The following ANKK1 variants were observed in gnomAD, a reference collection of about 807,000 sequenced individuals.
ANKK1 encodes ankyrin repeat and protein kinase domain-containing protein 1.
A neutral mutation model predicts 37.6 loss-of-function variants in ANKK1; 37 were observed. The observed-to-expected ratio is 0.98, with a 90% CI of 0.76 to 1.29. The LOEUF (loss-of-function observed/expected upper bound fraction) is 1.29, where lower values mean the gene tolerates loss of function less well. Among genes scored for constraint, ANKK1 ranks in the 50% most tolerant of loss-of-function variants. The pLI is 0.00. For missense variants in ANKK1, 1,019 were observed against 990.6 expected (o/e 1.03, Z -0.39); for synonymous variants, 415 against 418.7 (o/e 0.99, Z 0.11).
chr11:113,397,956 T>C, intron 6 of ANKK1, 24 bp from the exon 7 acceptor site: 1 of 1,555,528 alleles, frequency 6.4e-7, no homozygotes, highest in Middle Eastern at 1.7e-4. Context: ...ATCTCCACCC[T>C]GCCTGCTGGT....
rs1383089886 is a variant in ANKK1, at chr11:113,399,826, G to C, written c.1857G>C (p.Met619Ile). 1 of 1,608,000 alleles carries C rather than the reference G, an allele frequency of 6.2e-7. No homozygotes were observed. The change falls in exon 8 of 8, where the codon ATG becomes ATC. Residue 619 changes from methionine to isoleucine, a missense_variant. Physicochemically the swap from Met to Ile is conservative, Grantham distance 10. Coordinates refer to ENST00000303941, the MANE Select transcript of ANKK1 (RefSeq NM_178510.2). ...IHLLAESHAN[M>I]GALGAVNWTP... is the part of the protein sequence containing the mutation. ...TGCTGGCAGAGAGCCACGCAAACAT[G>C]GGTGCTCTTGGAGCTGTGAACTGGA...
In ANKK1 at chr11:113,398,033, C is replaced by T. The variant is rs762467513; in HGVS notation, c.994+17C>T. 39 of 1,563,592 alleles carry T rather than the reference C, an allele frequency of 2.5e-5. No individual in the cohort carries two copies. Among genetic ancestry groups the T allele is most frequent in the South Asian group, 5.9e-5 (5 of 84,644 alleles). ...TGGACAGTGGTGAGTCTGGGTGCCA[C>T]GGGCGGGACCAGAGAACTCACAGCA... On this transcript the variant is annotated intron_variant, in intron 7 of 7. Coordinates refer to ENST00000303941, the MANE Select transcript of ANKK1 (RefSeq NM_178510.2).
In ANKK1 at chr11:113,398,076, C is replaced by T; in HGVS notation, c.994+60C>T. 3 of 1,538,388 alleles carry T rather than the reference C, an allele frequency of 2.0e-6. No individual in the cohort carries two copies. In the South Asian group the frequency reaches 3.6e-5, roughly 18 times the overall value. Reference sequence around the variant, plus strand: ...TCACAGCAGAGAAAATGGAGTCAAACCACACCCTTTCCCCATCCCCCTGGC... The same window carrying T: ...TCACAGCAGAGAAAATGGAGTCAAATCACACCCTTTCCCCATCCCCCTGGC... On this transcript the variant is annotated intron_variant, in intron 7 of 7. Coordinates refer to ENST00000303941, the MANE Select transcript of ANKK1 (RefSeq NM_178510.2).
chr11:113,396,320 T>G, intron 5 of ANKK1, 98 bp downstream of exon 5: 6 of 1,472,944 alleles, frequency 4.1e-6, no homozygotes, highest in Non-Finnish European at 5.5e-6. Context: ...AGAGACACTT[T>G]TGGTACTACG....
chr11:113,391,815 C>T (rs969368171), intron 1 of ANKK1, among the ~76,000 whole-genome samples: 2 of 151,888 alleles, frequency 1.3e-5, no homozygotes, highest in African/African-American at 4.8e-5. Flanking sequence ...GGACTAAGCC[C>T]CGTGGTCAAG....
chr11:113,388,257 A>C (rs1345479461), intron 1 of ANKK1, among the ~76,000 whole-genome samples, 188 bp downstream of exon 1: 1 of 152,100 alleles, frequency 6.6e-6, no homozygotes, highest in Non-Finnish European at 1.5e-5. Flanking sequence ...CCTAACCAAA[A>C]TAGAGTTGGC....
At chr11:113,388,163 G>C in intron 1 of ANKK1, 94 bp downstream of exon 1, 1 of 1,399,994 alleles carries the variant, frequency 7.1e-7, no homozygotes, top group Non-Finnish European at 9.3e-7. Context: ...AGTGGGCTGA[G>C]TTTGGGGCTG....
intron 7 of ANKK1, 66 bp from the exon 8 acceptor site, chr11:113,398,898 G>T: frequency 1.4e-6 from 2 of 1,409,090 alleles, no homozygotes; most frequent in Non-Finnish European, 1.9e-6. Context: ...GAGGCAGGGG[G>T]ATGGCCATGA....
rs1210470782 is a variant in ANKK1, at chr11:113,395,463, T to C, written c.682+55T>C. The stretch of plus-strand genomic sequence containing the variant: ...GGGCAGGAGGACCCCTGGGATGGGC[T>C]CCTGGAAGGGGCTGTGGGAGGACTG... On this transcript the variant is annotated intron_variant, in intron 4 of 7. Coordinates refer to ENST00000303941, the MANE Select transcript of ANKK1 (RefSeq NM_178510.2). 15 of 1,580,678 alleles carry C rather than the reference T, an allele frequency of 9.5e-6. No homozygotes were observed. In the Middle Eastern group the frequency reaches 6.6e-4, roughly 70 times the overall value.
In ANKK1 at chr11:113,399,997, C is replaced by G; in HGVS notation, c.2028C>G (p.Ile676Met). The change falls in exon 8 of 8, where the codon ATC becomes ATG. Residue 676 changes from isoleucine to methionine, a missense_variant. Physicochemically the swap from Ile to Met is conservative, Grantham distance 10. Coordinates refer to ENST00000303941, the MANE Select transcript of ANKK1 (RefSeq NM_178510.2). ...AVQRSTFLSV[I>M]NLLEHHANVH... The stretch of plus-strand genomic sequence containing the variant: ...AGAGGAGCACCTTCCTGAGTGTCAT[C>G]AACCTCCTAGAACATCACGCAAATG... 6.2e-7 allele frequency: 1 copy of G among 1,613,528 alleles called. No homozygotes were observed. The highest frequency in any genetic ancestry group is 8.5e-7 in the Non-Finnish European group (1 of 1,179,834).
In ANKK1 at chr11:113,399,027, A is replaced by T; in HGVS notation, c.1058A>T (p.Asp353Val). 1 of 1,602,260 alleles carries T rather than the reference A, an allele frequency of 6.2e-7. No individual in the cohort carries two copies. The highest frequency in any genetic ancestry group is 8.5e-7 in the Non-Finnish European group (1 of 1,174,470). ...GACCGTAAGAATTTGGTCCCGAGAG[A>T]TGAGGAACTGTGTATCTATGAGAAC... Reference protein sequence around the residue: ...LSDRKNLVPRDEELCIYENKV... With the variant: ...LSDRKNLVPRVEELCIYENKV... The change falls in exon 8 of 8, where the codon GAT becomes GTT. Residue 353 changes from aspartate to valine, a missense_variant. Asp to Val is a radical substitution (Grantham distance 152, BLOSUM62 -3). Coordinates refer to ENST00000303941, the MANE Select transcript of ANKK1 (RefSeq NM_178510.2).
Position 113,398,984 on chromosome 11 carries a change from C to G in ANKK1, c.1015C>G (p.Arg339Gly). ...AGCAGACTCAGGAAACTACCTGAAGCGGGCCCTTCAGCTCTCCGACCGTAA... is the reference window on the plus strand; with the variant it reads ...AGCAGACTCAGGAAACTACCTGAAGGGGGCCCTTCAGCTCTCCGACCGTAA... ...MDSDSGNYLK[R>G]ALQLSDRKNL... is the part of the protein sequence containing the mutation. Residue 339 changes from arginine (R) to glycine (G), a missense_variant, in exon 8 of 8, where the codon CGG (arginine) becomes GGG (glycine). Physicochemically the swap from Arg to Gly is moderately radical, Grantham distance 125. Coordinates refer to ENST00000303941, the MANE Select transcript of ANKK1 (RefSeq NM_178510.2). 6.3e-7 allele frequency: 1 copy of G among 1,582,926 alleles called. No homozygotes were observed.
At chr11:113,390,782 T>A (rs150874504) in intron 1 of ANKK1, among the ~76,000 whole-genome samples, 1 of 149,684 alleles carries the variant, frequency 6.7e-6, no homozygotes, top group Non-Finnish European at 1.5e-5. Context: ...AGGAGATGCA[T>A]TCATTCCAAG....
In ANKK1 at chr11:113,400,114, C is replaced by T. The variant is rs367992103; in HGVS notation, c.2145C>T (p.Gly715=). ...TAILKVLVEA[G]AQLDVQDGVS... ...TCCTCAAAGTGCTGGTCGAGGCAGGCGCCCAGCTGGACGTCCAGGATGGAG... is the reference window on the plus strand; with the variant it reads ...TCCTCAAAGTGCTGGTCGAGGCAGGTGCCCAGCTGGACGTCCAGGATGGAG... Residue 715 remains glycine (G), a synonymous_variant, in exon 8 of 8, where the codon GGC becomes GGT. Transcript: ENST00000303941. The T allele has an allele frequency of 5.0e-5, 81 of 1,612,314 alleles. No individual in the cohort carries two copies. The highest frequency in any genetic ancestry group is 6.3e-5 in the Non-Finnish European group (74 of 1,179,436).
rs768361670 is a variant in ANKK1 at position 113,388,092 on chromosome 11, C to T, written c.185+23C>T. ...CAGGTACTGCCAGCCTCGCCCTCCC[C>T]TTTCTCGGAGGAGAAACTGAGGCCC... On this transcript the variant is annotated intron_variant, in intron 1 of 7. Coordinates refer to ENST00000303941, the MANE Select transcript of ANKK1 (RefSeq NM_178510.2). The T allele has an allele frequency of 5.5e-6, 8 of 1,451,596 alleles. No homozygotes were observed. In the African/African-American group the frequency reaches 8.7e-5, roughly 16 times the overall value. 89.9% of individuals were successfully genotyped at this position (1,451,596 alleles called of 1,614,324 possible).
rs1591255759 is a variant in ANKK1, at chr11:113,387,786, T to C, written c.-99T>C. On this transcript the variant is annotated 5_prime_UTR_variant, in exon 1 of 8. Coordinates refer to ENST00000303941, the MANE Select transcript of ANKK1 (RefSeq NM_178510.2). ...GGGCCGGCTCGTCTCCCCATTCCCC[T>C]CTCCCGGACCCGAGGAGCAGGAAGC... 2 of 1,354,738 alleles carry C rather than the reference T, an allele frequency of 1.5e-6. No individual in the cohort carries two copies. Among genetic ancestry groups the C allele is most frequent in the Non-Finnish European group, 1.9e-6 (2 of 1,028,944 alleles). 83.9% of individuals were successfully genotyped at this position (1,354,738 alleles called of 1,614,324 possible). A position where few individuals can be genotyped will look rare whatever the true frequency, so the allele number is the denominator to read the frequency against.
intron 6 of ANKK1, 82 bp from the exon 7 acceptor site, chr11:113,397,898 G>T: frequency 6.8e-7 from 1 of 1,463,374 alleles, no homozygotes. Context: ...GGGAAGGTTG[G>T]AGAGAGGGAA....
At chr11:113,398,201 G>A (rs1479351150) in intron 7 of ANKK1, among the ~76,000 whole-genome samples, 185 bp downstream of exon 7, 1 of 151,920 alleles carries the variant, frequency 6.6e-6, no homozygotes, top group Non-Finnish European at 1.5e-5. Context: ...AGGGAGCCTG[G>A]CTGCCTCCCT....
chr11:113,393,469 C>A lies in ANKK1; in HGVS notation c.186-12C>A. The A allele has an allele frequency of 6.2e-7, 1 of 1,603,082 alleles. No individual in the cohort carries two copies. The highest frequency in any genetic ancestry group is 1.1e-5 in the South Asian group (1 of 89,546). ...GTCACCCCCTTCCATATCTTGCTCC[C>A]CCTCTCCATAGCTCTGATGTGAATT... On this transcript the variant is annotated splice_polypyrimidine_tract_variant and intron_variant, in intron 1 of 7. Transcript: ENST00000303941.
Sources: gnomAD v4.1 joint callset for allele counts (sites outside exome capture counted in the v4.1 genomes callset) on GRCh38, gnomAD v4.1.1 for gene constraint, MANE v1.5 for transcripts, NCBI Gene and HGNC (gene_info 2026-07-23, HGNC 2026-07-21) for gene names.